Variants in ESYT3 observed in about 807,000 individuals in gnomAD.
The protein encoded by ESYT3 is extended synaptotagmin-3.
Under a neutral mutation model 111.5 loss-of-function variants are expected in ESYT3, and 101 were observed. That is an observed-to-expected ratio of 0.91 (90% CI 0.77 to 1.07). ESYT3 has a LOEUF of 1.07. ESYT3 is among the 50% of genes least tolerant of loss of function. The probability of loss-of-function intolerance (pLI) is 0.00; values close to 1 mark genes in which losing one functional copy is unlikely to be tolerated. For missense variants in ESYT3, 1,097 were observed against 1,109.4 expected, an observed-to-expected ratio of 0.99 and a Z score of 0.16; for synonymous variants, 416 against 446.8, an observed-to-expected ratio of 0.93 and a Z score of 0.87.
In ESYT3 at chr3:138,460,643, C is replaced by A. The variant is rs749114663; in HGVS notation, c.771C>A (p.Asn257Lys). The A allele has an allele frequency of 4.3e-6, 7 of 1,614,006 alleles. No individual in the cohort carries two copies. The Admixed American group carries it at 1.2e-4, about 27-fold the overall frequency. ...AGATCAACTGGACTGGCCTGACCAA[C>A]CTGCTGGATGCGCCGGGAATCAAGT... ...HLQINWTGLT[N>K]LLDAPGINDV... The change falls in exon 7 of 23, where the codon AAC becomes AAA. Residue 257 changes from asparagine (N) to lysine (K), a missense_variant. Coordinates refer to ENST00000389567, the MANE Select transcript of ESYT3 (RefSeq NM_031913.5).
chr3:138,474,515 T>C (rs955499725), intron 20 of ESYT3, 163 bp downstream of exon 20: 18 of 718,352 alleles, frequency 2.5e-5, no homozygotes, highest in African/African-American at 3.7e-5. Context: ...GTGGGGAAAA[T>C]GGAGTGCCAG....
downstream of ESYT3, chr3:138,480,095 AATC>A (rs1335605875): frequency 1.3e-5 from 2 of 152,218 alleles, no homozygotes; most frequent in African/African-American, 4.8e-5. Flanking sequence ...TATAAAGAAA[AATC>A]AACCCTGCAA....
intron 12 of ESYT3, 71 bp from the exon 13 acceptor site, chr3:138,468,584 A>C: frequency 6.6e-7 from 1 of 1,510,688 alleles, no homozygotes; most frequent in Non-Finnish European, 9.2e-7. Flanking sequence ...TGCCATGAGT[A>C]GGCTTCTCCA....
At position 138,467,562 on chromosome 3, in the gene ESYT3, C is replaced by A; in HGVS notation, c.1171C>A (p.Leu391Met). ...DTDRDDFLGS[L>M]QICLGDVMTN... ...ATCCCCTCTCCCTGTATATTCCAGC[C>A]TGCAGATCTGCCTTGGAGATGTCAT... The change falls in exon 11 of 23, where the codon CTG (leucine) becomes ATG (methionine). Residue 391 changes from leucine (L) to methionine (M), a missense_variant and splice_region_variant. Leu to Met is a conservative substitution (Grantham distance 15). Coordinates refer to ENST00000389567, the MANE Select transcript of ESYT3 (RefSeq NM_031913.5). 6.2e-7 allele frequency: 1 copy of A among 1,614,182 alleles called. No homozygotes were observed. Among genetic ancestry groups the A allele is most frequent in the Non-Finnish European group, 8.5e-7 (1 of 1,180,022 alleles).
chr3:138,463,044 T>C (rs1002706845), intron 8 of ESYT3, among the ~76,000 whole-genome samples: 2 of 152,168 alleles, frequency 1.3e-5, no homozygotes, highest in Non-Finnish European at 2.9e-5. Flanking sequence ...CTTTCTTCGA[T>C]AGATGGCAGC....
chr3:138,465,122 C>CGG (rs2032858665), intron 9 of ESYT3, among the ~76,000 whole-genome samples: 1 of 152,204 alleles, frequency 6.6e-6, no homozygotes, highest in East Asian at 1.9e-4. Flanking sequence ...AGCCACTGTC[C>CGG]CCTGGGCACC....
At chr3:138,443,839 G>A (rs887837656) in intron 1 of ESYT3, among the ~76,000 whole-genome samples, 29 of 152,050 alleles carry the variant, frequency 1.9e-4, no homozygotes, top group African/African-American at 7.0e-4. Context: ...CCCTTTAAGT[G>A]AGGCTCCTTA....
In ESYT3 at chr3:138,473,432, T is replaced by C. The variant is rs16848154; in HGVS notation, c.2238-104T>C. 3.7e-3 allele frequency: 3,466 copies of C among 949,196 alleles called. 99 individuals carry two copies. In the African/African-American group the frequency reaches 0.051, roughly 14 times the overall value. The allele number at this position is 949,196 out of a possible 1,614,324, so 58.8% of individuals were successfully genotyped here. A position where few individuals can be genotyped will look rare whatever the true frequency, so the allele number is the denominator to read the frequency against. ...ACTCACTGTGAATTATTATCCTACA[T>C]GGCTCTATACTCCTCAAGCAGGAAT... On this transcript the variant is annotated intron_variant, in intron 18 of 22. Transcript: ENST00000389567.
intron 3 of ESYT3, 134 bp from the exon 4 acceptor site, chr3:138,457,434 T>C (rs1327610933): frequency 5.0e-6 from 4 of 805,498 alleles, no homozygotes; most frequent in Non-Finnish European, 8.8e-6. Context: ...AGGATAGATT[T>C]ACATGTCTGT....
chr3:138,466,626 T>C (rs1360762505), intron 10 of ESYT3, among the ~76,000 whole-genome samples: 1 of 152,164 alleles, frequency 6.6e-6, no homozygotes, highest in Non-Finnish European at 1.5e-5. Flanking sequence ...CAGGACCTTC[T>C]GGTTGGGCTT....
intron 17 of ESYT3, among the ~76,000 whole-genome samples, chr3:138,471,679 C>G (rs1212308917): frequency 6.6e-6 from 1 of 152,076 alleles, no homozygotes; most frequent in Non-Finnish European, 1.5e-5. Context: ...GTTCAGTGTT[C>G]CTTTATGACC....
intron 1 of ESYT3, among the ~76,000 whole-genome samples, chr3:138,443,683 CTG>C (rs2031321034): frequency 1.3e-5 from 2 of 151,972 alleles, no homozygotes; most frequent in Admixed American, 1.3e-4. Context: ...GCGGATGTGT[CTG>C]TTTAGTTTGT....
At chr3:138,438,044 C>G (rs2030854312) in intron 1 of ESYT3, among the ~76,000 whole-genome samples, 1 of 152,184 alleles carries the variant, frequency 6.6e-6, no homozygotes, top group South Asian at 2.1e-4. Context: ...CTCTCTGCCT[C>G]TTTAGGAACA....
chr3:138,435,212 C>G lies in ESYT3; in HGVS notation c.327+87C>G. 7.5e-7 allele frequency: 1 copy of G among 1,326,492 alleles called. No homozygotes were observed. Among genetic ancestry groups the G allele is most frequent in the Non-Finnish European group, 1.0e-6 (1 of 987,836 alleles). The allele number at this position is 1,326,492 out of a possible 1,614,324, so 82.2% of individuals were successfully genotyped here. A position where few individuals can be genotyped will look rare whatever the true frequency, so the allele number is the denominator to read the frequency against. On this transcript the variant is annotated intron_variant, in intron 1 of 22. Transcript: ENST00000389567. The surrounding 1 kb of genome is among the most constrained non-coding windows in gnomAD (Gnocchi z 4.8). ...GCGGTCAGCGGGGAGCTGGTGCGCG[C>G]AAACCCGAGGCAGGGCGGGAGCCCG...
intron 1 of ESYT3, among the ~76,000 whole-genome samples, chr3:138,438,879 G>A (rs367601292): frequency 3.3e-5 from 5 of 152,318 alleles, no homozygotes; most frequent in African/African-American, 4.8e-5. Flanking sequence ...GTGGCCTGAC[G>A]ACATGGGGAA....
At chr3:138,467,953 C>A in intron 11 of ESYT3, 152 bp from the exon 12 acceptor site, 1 of 653,650 alleles carries the variant, frequency 1.5e-6, no homozygotes, top group South Asian at 1.9e-5. Flanking sequence ...GAGCCCAGAG[C>A]ATACCCTGTC....
intron 20 of ESYT3, chr3:138,474,769 A>G (rs1372579854): frequency 6.4e-6 from 1 of 156,404 alleles, no homozygotes; most frequent in African/African-American, 2.4e-5. Context: ...GCAACAAAAC[A>G]TAGGTGATGG....
intron 5 of ESYT3, among the ~76,000 whole-genome samples, 195 bp downstream of exon 5, chr3:138,459,448 C>T (rs2032495473): frequency 6.6e-6 from 1 of 152,224 alleles, no homozygotes; most frequent in African/African-American, 2.4e-5. Context: ...CAACCCACTA[C>T]TGTGCTCTAG....
At chr3:138,463,646 C>G (rs893952338) in intron 8 of ESYT3, among the ~76,000 whole-genome samples, 1 of 152,074 alleles carries the variant, frequency 6.6e-6, no homozygotes, top group Non-Finnish European at 1.5e-5. Flanking sequence ...GGGATAGATT[C>G]CTAGAAATGG....
Sources: allele counts gnomAD v4.1 joint callset (sites outside exome capture counted in the v4.1 genomes callset), GRCh38; gene constraint gnomAD v4.1.1; non-coding constraint Gnocchi (gnomAD v3.1); transcripts MANE v1.5; gene names NCBI Gene and HGNC (gene_info 2026-07-23, HGNC 2026-07-21).